EXOC2: variants seen among roughly 807,000 people sequenced by gnomAD.
EXOC2 encodes the protein SEC5-like 1.
EXOC2 carries 70 observed loss-of-function variants against 131.8 expected under a neutral mutation model. The observed-to-expected ratio is 0.53, with a 90% CI of 0.44 to 0.65. EXOC2 has a LOEUF of 0.65. EXOC2 is among the 30% of genes least tolerant of loss of function. The pLI, the probability that EXOC2 is intolerant of heterozygous loss-of-function variation, is 0.00. For missense variants in EXOC2, 923 were observed against 1,108.6 expected, an observed-to-expected ratio of 0.83 and a Z score of 2.38; for synonymous variants, 411 against 398.4, an observed-to-expected ratio of 1.03 and a Z score of -0.38.
intron 1 of EXOC2, among the ~76,000 whole-genome samples, chr6:640,361 G>A (rs1014418351): frequency 1.2e-4 from 19 of 152,076 alleles, no homozygotes; most frequent in Admixed American, 3.3e-4. Context: ...CCCCAACATT[G>A]GACAGCCAAA....
chr6:528,794 G>A lies in EXOC2; in HGVS notation c.2380+3675C>T, dbSNP rs116839558. Among the ~76,000 whole-genome samples the A allele has an allele frequency of 3.2e-3, 491 of 152,326 alleles. 2 individuals are homozygous for A. The highest frequency in any genetic ancestry group is 0.011 in the African/African-American group (464 of 41,586). ...AGATCAACCTCAGGATTACATTTAG[G>A]CTCTGATCCTAATTCACAACCGAGG... On this transcript the variant is annotated intron_variant, in intron 23 of 27. Coordinates refer to ENST00000230449, the MANE Select transcript of EXOC2 (RefSeq NM_018303.6).
At chr6:619,849 A>G (rs1360297975) in intron 4 of EXOC2, among the ~76,000 whole-genome samples, 10 of 152,154 alleles carry the variant, frequency 6.6e-5, no homozygotes, top group Non-Finnish European at 7.4e-5. Context: ...CTGAGTTGAC[A>G]GTTTTATTAA....
rs533855534 is a variant in EXOC2 at position 563,391 on chromosome 6, C to T, written c.1790-546G>A. ...CTTCTCACCTGGGTTCCATTCCCTT[C>T]CCATTTACACAGTATCGCCCACCAA... On this transcript the variant is annotated intron_variant, in intron 16 of 27. Coordinates refer to ENST00000230449, the MANE Select transcript of EXOC2 (RefSeq NM_018303.6). Among the ~76,000 whole-genome samples the T allele has an allele frequency of 3.3e-5, 5 of 152,308 alleles. 1 individual carries two copies. The highest frequency in any genetic ancestry group is 1.2e-4 in the African/African-American group (5 of 41,564).
Position 597,829 on chromosome 6 carries a change from C to T in EXOC2, c.1073+192G>A, listed in dbSNP as rs148172106. Among the ~76,000 whole-genome samples, 1,263 of 152,312 alleles carry T rather than the reference C, an allele frequency of 8.3e-3. 22 individuals carry two copies. Among genetic ancestry groups the T allele is most frequent in the African/African-American group, 0.029 (1,196 of 41,566 alleles). On this transcript the variant is annotated intron_variant, in intron 10 of 27. Transcript: ENST00000230449. ...CAAAAAGTGAGTAACTCCATAACTA[C>T]TCCCAAATCTATTAGTATTCAAAAG... is the stretch of plus-strand genomic sequence containing the variant.
chr6:672,344 T>C (rs1763913926), intron 1 of EXOC2, among the ~76,000 whole-genome samples: 1 of 152,238 alleles, frequency 6.6e-6, no homozygotes, highest in Non-Finnish European at 1.5e-5. Context: ...CTTTTCCCAT[T>C]AGGACCCTTA....
chr6:596,182 C>A (rs1466777958), intron 10 of EXOC2, among the ~76,000 whole-genome samples: 1 of 151,786 alleles, frequency 6.6e-6, no homozygotes, highest in Admixed American at 6.5e-5. Context: ...GCAAACACAG[C>A]ACCCTCTCTT....
chr6:685,469 CAG>C (rs1372028928), intron 1 of EXOC2, among the ~76,000 whole-genome samples: 1 of 152,180 alleles, frequency 6.6e-6, no homozygotes, highest in East Asian at 1.9e-4. Context: ...AGGGATTGCC[CAG>C]AGATATTGGG....
intron 5 of EXOC2, among the ~76,000 whole-genome samples, chr6:618,339 G>GA (rs1303014883): frequency 1.3e-5 from 2 of 152,062 alleles, no homozygotes; most frequent in Non-Finnish European, 2.9e-5. Flanking sequence ...CCTGTGGGTC[G>GA]ATTCACAACT....
Position 501,176 on chromosome 6 carries a change from CTATATAT to C in EXOC2, c.2381-1483_2381-1477del, listed in dbSNP as rs1318726567. Among the ~76,000 whole-genome samples, 11 of 6,346 alleles carry C rather than the reference CTATATAT, an allele frequency of 1.7e-3. 1 individual carries two copies. The highest frequency in any genetic ancestry group is 5.7e-3 in the South Asian group (1 of 176). The allele number at this position is 6,346 out of a possible 152,430, so 4.2% of individuals were successfully genotyped here. A position where few individuals can be genotyped will look rare whatever the true frequency, so the allele number is the denominator to read the frequency against. ...ATATATCTATATATATTATATATAT[CTATATAT>C]TATATATATCTATATATATTATATA... On this transcript the variant is annotated intron_variant, in intron 23 of 27. Coordinates refer to ENST00000230449, the MANE Select transcript of EXOC2 (RefSeq NM_018303.6).
chr6:638,290 A>G (rs1762196831), intron 1 of EXOC2, among the ~76,000 whole-genome samples: 1 of 152,214 alleles, frequency 6.6e-6, no homozygotes, highest in African/African-American at 2.4e-5. Flanking sequence ...AGGTGTACTG[A>G]ATTTCAGTTT....
chr6:690,408 C>T (rs1764865113), intron 1 of EXOC2, among the ~76,000 whole-genome samples: 2 of 152,148 alleles, frequency 1.3e-5, no homozygotes, highest in South Asian at 4.1e-4. Flanking sequence ...TCACCCATCG[C>T]TTTAAGATTC....
intron 20 of EXOC2, among the ~76,000 whole-genome samples, 156 bp from the exon 21 acceptor site, chr6:554,076 T>C (rs551218600): frequency 1.3e-5 from 2 of 152,254 alleles, no homozygotes; most frequent in Admixed American, 6.5e-5. Context: ...GTCTTGCTCT[T>C]GTCCCCCAGG....
chr6:620,372 T>G (rs1234969673), intron 4 of EXOC2, among the ~76,000 whole-genome samples: 2 of 152,174 alleles, frequency 1.3e-5, no homozygotes, highest in African/African-American at 2.4e-5. Context: ...GCATGAAACC[T>G]GACGCTTCGG....
At chr6:690,018 TGCTTTG>T (rs1175081533) in intron 1 of EXOC2, among the ~76,000 whole-genome samples, 1 of 152,222 alleles carries the variant, frequency 6.6e-6, no homozygotes, top group African/African-American at 2.4e-5. Flanking sequence ...AGTGTATAGT[TGCTTTG>T]ACGCCTAAGC....
intron 10 of EXOC2, among the ~76,000 whole-genome samples, chr6:592,982 A>G (rs1204005507): frequency 1.3e-5 from 2 of 152,198 alleles, no homozygotes; most frequent in African/African-American, 2.4e-5. Flanking sequence ...ATGAGCTGAG[A>G]TCTCACCACT....
rs150369097 is a variant in EXOC2 at position 619,034 on chromosome 6, C to T, written c.536+396G>A. 7.7e-3 allele frequency among the ~76,000 whole-genome samples: 1,167 copies of T among 152,260 alleles called. 19 individuals carry two copies. The highest frequency in any genetic ancestry group is 0.027 in the African/African-American group (1,108 of 41,542). On this transcript the variant is annotated intron_variant, in intron 5 of 27. Transcript: ENST00000230449. ...CATGATGATAAACCAACTCATCTTC[C>T]TTTGCCCTATGGTCAGAGAAGGCAG...
intron 1 of EXOC2, among the ~76,000 whole-genome samples, chr6:658,670 T>TATATATATATATATATATATATATA (rs1332684843): frequency 2.2e-5 from 3 of 137,158 alleles, no homozygotes; most frequent in Non-Finnish European, 4.7e-5. Flanking sequence ...TATATATTTT[T>TATATATATATATATATATATATATA]TTTTTTTTTA....
At chr6:541,985 T>C (rs1026153340) in intron 22 of EXOC2, among the ~76,000 whole-genome samples, 1 of 152,208 alleles carries the variant, frequency 6.6e-6, no homozygotes, top group African/African-American at 2.4e-5. Context: ...CTCAAAATAA[T>C]ACTGAGTGGG....
At chr6:677,696 T>C (rs1203552120) in intron 1 of EXOC2, among the ~76,000 whole-genome samples, 2 of 152,210 alleles carry the variant, frequency 1.3e-5, no homozygotes, top group African/African-American at 2.4e-5. Context: ...CTAAAATTCC[T>C]GACCTTGTGA....
Sources: gnomAD v4.1 joint callset for allele counts (sites outside exome capture counted in the v4.1 genomes callset) on GRCh38, gnomAD v4.1.1 for gene constraint, MANE v1.5 for transcripts, NCBI Gene and HGNC (gene_info 2026-07-23, HGNC 2026-07-21) for gene names.